Variants in TRPC7 observed in about 807,000 individuals in gnomAD.
TRPC7 encodes short transient receptor potential channel 7.
A neutral mutation model predicts 90.1 loss-of-function variants in TRPC7; 42 were observed. That is an observed-to-expected ratio of 0.47 (90% CI 0.36 to 0.60). The LOEUF is 0.60. Ranked by LOEUF, TRPC7 falls within the 20% of genes least tolerant of loss-of-function variation. The probability of loss-of-function intolerance (pLI) is 0.00; values close to 1 mark genes in which losing one functional copy is unlikely to be tolerated. For synonymous variants in TRPC7, 451 were observed against 436.3 expected, an observed-to-expected ratio of 1.03 and a Z score of -0.42; for missense variants, 955 against 1,112.3, an observed-to-expected ratio of 0.86 and a Z score of 2.01.
At chr5:136,287,325 G>A (rs967452298) in intron 3 of TRPC7, among the ~76,000 whole-genome samples, 3 of 151,684 alleles carry the variant, frequency 2.0e-5, no homozygotes, top group African/African-American at 7.3e-5. Flanking sequence ...TCACATGCAG[G>A]CTTTTTGGGG....
chr5:136,320,342 G>GA (rs1175952559), intron 2 of TRPC7, among the ~76,000 whole-genome samples: 1 of 152,060 alleles, frequency 6.6e-6, no homozygotes, highest in African/African-American at 2.4e-5. Context: ...ACTAACCCTA[G>GA]AAACTCCCAA....
intron 5 of TRPC7, among the ~76,000 whole-genome samples, chr5:136,264,782 A>G (rs866625958): frequency 1.3e-5 from 2 of 152,076 alleles, no homozygotes; most frequent in Admixed American, 1.3e-4. Context: ...TAGTAGAGGC[A>G]GGGTTTCACC....
chr5:136,331,697 C>A (rs17170118), intron 2 of TRPC7, among the ~76,000 whole-genome samples: 2,734 of 152,244 alleles, frequency 0.018, 86 homozygotes, highest in African/African-American at 0.063. Context: ...GCTTACTGAG[C>A]CTTGTGTGCG....
chr5:136,214,766 G>A (rs1342751425), intron 11 of TRPC7, among the ~76,000 whole-genome samples: 1 of 152,204 alleles, frequency 6.6e-6, no homozygotes, highest in African/African-American at 2.4e-5. Context: ...GGATGAAGCA[G>A]AGGGTCACCC....
chr5:136,302,563 C>A (rs991369596), intron 3 of TRPC7, among the ~76,000 whole-genome samples: 1 of 152,196 alleles, frequency 6.6e-6, no homozygotes, highest in African/African-American at 2.4e-5. Flanking sequence ...TATGGGCAAC[C>A]TTGCACCCTC....
At position 136,301,332 on chromosome 5, in the gene TRPC7, A is replaced by ATTTTTTTTTTTT. The variant is rs368799815; in HGVS notation, c.963+14253_963+14264dup. On this transcript the variant is annotated intron_variant, in intron 3 of 11. Coordinates refer to ENST00000513104, the MANE Select transcript of TRPC7 (RefSeq NM_020389.3). ...TTGAGCCACTGCACCCAGCCCAGGC[A>ATTTTTTTTTTTT]TTTTTTTTTTTTTTTTTTTTTTTTT... Among the ~76,000 whole-genome samples the ATTTTTTTTTTTT allele has an allele frequency of 2.7e-4, 23 of 85,696 alleles. 1 individual carries two copies. Among genetic ancestry groups the ATTTTTTTTTTTT allele is most frequent in the Non-Finnish European group, 4.3e-4 (20 of 46,470 alleles). 56.2% of individuals were successfully genotyped at this position (85,696 alleles called of 152,430 possible). A position where few individuals can be genotyped will look rare whatever the true frequency, so the allele number is the denominator to read the frequency against.
rs138423173 is a variant in TRPC7 at position 136,239,485 on chromosome 5, C to T, written c.1845-7936G>A. Among the ~76,000 whole-genome samples the T allele has an allele frequency of 1.9e-3, 289 of 152,356 alleles. 1 individual carries two copies. The highest frequency in any genetic ancestry group is 6.4e-3 in the African/African-American group (267 of 41,586). On this transcript the variant is annotated intron_variant, in intron 7 of 11. Transcript: ENST00000513104. Reference sequence around the variant, plus strand: ...ATTCCTTGTTCCCCACCTGCAAACACGTTCAGCACACTGCACAGGTAAACC... The same window carrying T: ...ATTCCTTGTTCCCCACCTGCAAACATGTTCAGCACACTGCACAGGTAAACC...
At position 136,357,309 on chromosome 5, in the gene TRPC7, G is replaced by T. The variant is rs1349878126; in HGVS notation, c.79C>A (p.Arg27=). The change falls in exon 2 of 12, where the codon CGG becomes AGG. Residue 27 remains arginine (R), a synonymous_variant. Coordinates refer to ENST00000513104, the MANE Select transcript of TRPC7 (RefSeq NM_020389.3). ...TCGTTGAACATGTAGGCGGGACCCC[G>T]GATGGCCTGGCGACGGCCCTTCTCC... ...LREKGRRQAI[R]GPAYMFNEKG... 6.2e-7 allele frequency: 1 copy of T among 1,609,858 alleles called. No homozygotes were observed. The highest frequency in any genetic ancestry group is 1.1e-5 in the South Asian group (1 of 91,070).
chr5:136,295,645 C>G (rs148313405), intron 3 of TRPC7, among the ~76,000 whole-genome samples: 236 of 152,306 alleles, frequency 1.5e-3, no homozygotes, highest in African/African-American at 5.4e-3. Context: ...TCAATGGCCT[C>G]CAGTTCCCTC....
chr5:136,302,134 G>A (rs953924656), intron 3 of TRPC7, among the ~76,000 whole-genome samples: 1 of 152,138 alleles, frequency 6.6e-6, no homozygotes, highest in Non-Finnish European at 1.5e-5. Flanking sequence ...TGTTTTATCT[G>A]TGGACCCAAA....
chr5:136,352,107 A>G (rs1256405333), intron 2 of TRPC7, among the ~76,000 whole-genome samples: 1 of 152,182 alleles, frequency 6.6e-6, no homozygotes, highest in Non-Finnish European at 1.5e-5. Context: ...AATAACTGCA[A>G]TACGGTGTTT....
chr5:136,312,339 G>A (rs1388579246), intron 3 of TRPC7, among the ~76,000 whole-genome samples: 2 of 152,168 alleles, frequency 1.3e-5, no homozygotes, highest in Non-Finnish European at 2.9e-5. Flanking sequence ...AGATAACAAA[G>A]GACCAGCTAG....
chr5:136,229,545 C>T (rs1442546366), intron 8 of TRPC7, among the ~76,000 whole-genome samples: 5 of 152,054 alleles, frequency 3.3e-5, no homozygotes, highest in Admixed American at 2.0e-4. Flanking sequence ...GATGGGGCCC[C>T]GATCTTCTTG....
chr5:136,332,969 T>C (rs1759546089), intron 2 of TRPC7, among the ~76,000 whole-genome samples: 1 of 152,202 alleles, frequency 6.6e-6, no homozygotes, highest in Non-Finnish European at 1.5e-5. Flanking sequence ...TGCTGACCAC[T>C]GCCAAGAGAA....
intron 1 of TRPC7, among the ~76,000 whole-genome samples, chr5:136,361,669 T>C (rs535714284): frequency 6.6e-5 from 10 of 152,336 alleles, no homozygotes; most frequent in African/African-American, 2.4e-4. Flanking sequence ...AAATTCTCTA[T>C]GGAAATTATC....
At position 136,357,269 on chromosome 5, in the gene TRPC7, AGACTGGT is replaced by A; in HGVS notation, c.112_118del (p.Thr38Ter). The stretch of plus-strand genomic sequence containing the variant: ...CAGGAAGCGCTCCTCCTCGGGCGTC[AGACTGGT>A]GCCCTTCTCGTTGAACATGTAGGCG... On this transcript the variant is annotated frameshift_variant, in exon 2 of 12. Transcript: ENST00000513104. LOFTEE classifies it high-confidence loss of function. 6.2e-7 allele frequency: 1 copy of A among 1,613,384 alleles called. No homozygotes were observed. The highest frequency in any genetic ancestry group is 8.5e-7 in the Non-Finnish European group (1 of 1,179,910).
intron 3 of TRPC7, among the ~76,000 whole-genome samples, chr5:136,296,182 C>G (rs1158156491): frequency 6.6e-6 from 1 of 152,130 alleles, no homozygotes; most frequent in African/African-American, 2.4e-5. Context: ...AAATACTCAT[C>G]TGCTTAGTAA....
chr5:136,292,219 C>T (rs1172936200), intron 3 of TRPC7, among the ~76,000 whole-genome samples: 1 of 152,082 alleles, frequency 6.6e-6, no homozygotes, highest in Non-Finnish European at 1.5e-5. Flanking sequence ...ACCCTAACAT[C>T]ACAATTAAAA....
In TRPC7 at chr5:136,356,626, G is replaced by A; in HGVS notation, c.762C>T (p.Asn254=). ...GAGTTACCTTAAATTCAGTCTCAATGTTGGCTAGTCTGGCTAACTCGTTGC... is the reference window on the plus strand; with the variant it reads ...GAGTTACCTTAAATTCAGTCTCAATATTGGCTAGTCTGGCTAACTCGTTGC... ...ELSNELARLA[N]IETEFKNDYR... is the part of the protein sequence containing the mutation. The change falls in exon 2 of 12, where the codon AAC becomes AAT. Residue 254 remains asparagine, a synonymous_variant. Coordinates refer to ENST00000513104, the MANE Select transcript of TRPC7 (RefSeq NM_020389.3). 1.9e-6 allele frequency: 3 copies of A among 1,540,132 alleles called. No homozygotes were observed. Among genetic ancestry groups the A allele is most frequent in the Non-Finnish European group, 2.6e-6 (3 of 1,143,238 alleles).
Sources: allele counts gnomAD v4.1 joint callset (sites outside exome capture counted in the v4.1 genomes callset), GRCh38; gene constraint gnomAD v4.1.1; transcripts MANE v1.5; gene names NCBI Gene and HGNC (gene_info 2026-07-23, HGNC 2026-07-21).